CTNNA2: variants seen among roughly 807,000 people sequenced by gnomAD.
CTNNA2 encodes the protein catenin alpha 2.
A neutral mutation model predicts 101.0 loss-of-function variants in CTNNA2; 42 were observed. The observed-to-expected ratio is 0.42, with a 90% confidence interval of 0.32 to 0.54. The LOEUF is 0.54. Ranked by LOEUF, CTNNA2 falls within the 20% of genes least tolerant of loss-of-function variation. The pLI, the probability that CTNNA2 is intolerant of heterozygous loss-of-function variation, is 0.14. For synonymous variants in CTNNA2, 450 were observed against 456.4 expected (o/e 0.99, Z 0.18); for missense variants, 871 against 1,223.1 (o/e 0.71, Z 4.29).
intron 6 of CTNNA2, among the ~76,000 whole-genome samples, chr2:79,880,519 C>A (rs111564322): frequency 0.029 from 4,384 of 152,052 alleles, 142 homozygotes; most frequent in East Asian, 0.18. Flanking sequence ...TATTCCATAA[C>A]TTTACTTCTT....
At chr2:80,005,846 G>A (rs1266340335) in intron 7 of CTNNA2, among the ~76,000 whole-genome samples, 2 of 151,554 alleles carry the variant, frequency 1.3e-5, no homozygotes, top group Non-Finnish European at 2.9e-5. Flanking sequence ...GCTAATTCAG[G>A]TGGTGGAACA....
At chr2:79,669,800 C>G (rs1284535752) in intron 2 of CTNNA2, among the ~76,000 whole-genome samples, 1 of 152,128 alleles carries the variant, frequency 6.6e-6, no homozygotes, top group Non-Finnish European at 1.5e-5. Flanking sequence ...ATGCTCTGCC[C>G]TGTTCTGGCT....
chr2:79,337,848 T>C (rs894495839), intron 3 of CTNNA2, among the ~76,000 whole-genome samples: 7 of 151,998 alleles, frequency 4.6e-5, no homozygotes, highest in African/African-American at 1.5e-4. Flanking sequence ...CTGTGATAAG[T>C]GCTACTAAAA....
At chr2:79,822,109 T>G (rs546694439) in intron 3 of CTNNA2, among the ~76,000 whole-genome samples, 1 of 152,332 alleles carries the variant, frequency 6.6e-6, no homozygotes, top group Admixed American at 6.5e-5. Flanking sequence ...TTCGGTAGCT[T>G]TATTTCAGAA....
At chr2:80,067,251 A>T (rs1698047727) in intron 7 of CTNNA2, among the ~76,000 whole-genome samples, 2 of 152,132 alleles carry the variant, frequency 1.3e-5, no homozygotes, top group Admixed American at 6.5e-5. Flanking sequence ...AATGAAAAGT[A>T]TGTGATATAA....
chr2:79,903,496 G>A (rs572513163), intron 6 of CTNNA2, among the ~76,000 whole-genome samples: 2 of 152,128 alleles, frequency 1.3e-5, no homozygotes, highest in Admixed American at 1.3e-4. Flanking sequence ...ACATGGCAGA[G>A]AAGTCGCTTC....
chr2:79,932,005 T>A (rs1353698610), intron 7 of CTNNA2, among the ~76,000 whole-genome samples: 1 of 152,220 alleles, frequency 6.6e-6, no homozygotes, highest in East Asian at 1.9e-4. Context: ...GGTCAGCAAC[T>A]GCCCATTGAG....
intron 7 of CTNNA2, among the ~76,000 whole-genome samples, chr2:80,049,734 GC>G (rs1696750090): frequency 6.6e-6 from 1 of 152,124 alleles, no homozygotes; most frequent in Admixed American, 6.5e-5. Flanking sequence ...TGTATTCATG[GC>G]CCCCCAGGAC....
chr2:79,799,497 T>C (rs1675990832), intron 3 of CTNNA2, among the ~76,000 whole-genome samples: 1 of 152,168 alleles, frequency 6.6e-6, no homozygotes, highest in Non-Finnish European at 1.5e-5. Context: ...TATTGTATTG[T>C]GGAAGAATCT....
intron 2 of CTNNA2, among the ~76,000 whole-genome samples, chr2:79,728,164 CA>C (rs1482198657): frequency 6.6e-6 from 1 of 152,140 alleles, no homozygotes; most frequent in African/African-American, 2.4e-5. Context: ...CTGACTTCCA[CA>C]ATGGTTGAAC....
intron 2 of CTNNA2, among the ~76,000 whole-genome samples, chr2:79,276,229 T>C (rs145255849): frequency 2.2e-3 from 339 of 152,242 alleles, no homozygotes; most frequent in African/African-American, 7.6e-3. Context: ...TGTTTGTAAT[T>C]ATTACGCATA....
intron 7 of CTNNA2, among the ~76,000 whole-genome samples, chr2:80,372,188 C>A (rs1675504720): frequency 6.6e-6 from 1 of 152,144 alleles, no homozygotes; most frequent in Middle Eastern, 3.4e-3. Context: ...TATTTGAGGA[C>A]TCTCAAACAT....
intron 7 of CTNNA2, among the ~76,000 whole-genome samples, chr2:80,109,334 G>A (rs2035519): frequency 0.033 from 5,015 of 152,180 alleles, 262 homozygotes; most frequent in African/African-American, 0.11. Flanking sequence ...GGTGGAGAGC[G>A]CCTGTAGTCC....
chr2:79,292,516 A>T (rs1397395998), intron 2 of CTNNA2, among the ~76,000 whole-genome samples: 1 of 152,200 alleles, frequency 6.6e-6, no homozygotes, highest in Non-Finnish European at 1.5e-5. Flanking sequence ...TCTCTAAGGA[A>T]CTAAAAGATG....
intron 2 of CTNNA2, among the ~76,000 whole-genome samples, chr2:79,740,332 T>G (rs1671202163): frequency 6.6e-6 from 1 of 152,190 alleles, no homozygotes; most frequent in Non-Finnish European, 1.5e-5. Context: ...GACATGATCT[T>G]GTTCTTTTTT....
intron 4 of CTNNA2, among the ~76,000 whole-genome samples, chr2:79,502,722 G>T (rs1417162108): frequency 1.3e-5 from 2 of 152,074 alleles, no homozygotes; most frequent in East Asian, 3.9e-4. Context: ...TTGTTGGCTG[G>T]GGATGATATT....
At chr2:79,589,993 G>C (rs763642719) in intron 1 of CTNNA2, among the ~76,000 whole-genome samples, 2 of 152,184 alleles carry the variant, frequency 1.3e-5, no homozygotes, top group Admixed American at 1.3e-4. Flanking sequence ...TTTGTTTTCC[G>C]TAATTGTTAC....
chr2:79,585,685 C>A (rs1676438015), intron 1 of CTNNA2, among the ~76,000 whole-genome samples: 1 of 151,984 alleles, frequency 6.6e-6, no homozygotes, highest in South Asian at 2.1e-4. Flanking sequence ...CCTTGTCTAC[C>A]CTGGCCTGCA....
intron 2 of CTNNA2, among the ~76,000 whole-genome samples, chr2:79,678,179 G>A (rs1160078396): frequency 6.6e-6 from 1 of 152,186 alleles, no homozygotes; most frequent in East Asian, 1.9e-4. Context: ...TGAGGCAACA[G>A]TTCCCAGCTG....
Sources: gnomAD v4.1 joint callset for allele counts (sites outside exome capture counted in the v4.1 genomes callset) on GRCh38, gnomAD v4.1.1 for gene constraint, MANE v1.5 for transcripts, NCBI Gene and HGNC (gene_info 2026-07-23, HGNC 2026-07-21) for gene names.